The following EBF4 variants were observed in gnomAD, a reference collection of about 807,000 sequenced individuals.
EBF4 encodes EBF transcription factor 4.
Under a neutral mutation model 67.1 loss-of-function variants are expected in EBF4, and 34 were observed. That is an observed-to-expected ratio of 0.51 (90% CI 0.39 to 0.67). The LOEUF is 0.67. Among genes scored for constraint, EBF4 ranks in the 30% least tolerant of loss-of-function variants. The probability of loss-of-function intolerance (pLI) is 0.00; values close to 1 mark genes in which losing one functional copy is unlikely to be tolerated. For synonymous variants in EBF4, 387 were observed against 377.7 expected (o/e 1.02, Z -0.29); for missense variants, 837 against 873.3 (o/e 0.96, Z 0.52).
At chr20:2,727,857 T>C (rs1568576812) in intron 6 of EBF4, among the ~76,000 whole-genome samples, 1 of 152,224 alleles carries the variant, frequency 6.6e-6, no homozygotes, top group Non-Finnish European at 1.5e-5. Flanking sequence ...TACATGCTCT[T>C]TGGAGAAATG....
chr20:2,737,423 A>G (rs974962558), intron 6 of EBF4, among the ~76,000 whole-genome samples: 5 of 152,066 alleles, frequency 3.3e-5, no homozygotes, highest in Non-Finnish European at 5.9e-5. Context: ...CTGGGGACTC[A>G]AGCCAACCTG....
At chr20:2,693,477 C>G (rs1024223038), upstream of EBF4, 18 of 779,436 alleles carry the variant, frequency 2.3e-5, no homozygotes, top group Non-Finnish European at 3.0e-5. This position sits in a 1 kb window ranked among gnomAD's most constrained non-coding sequence, Gnocchi z 4.6. Flanking sequence ...CCCGCGGACC[C>G]GCTTTCTCCG....
intron 1 of EBF4, among the ~76,000 whole-genome samples, chr20:2,701,765 A>G (rs1017129534): frequency 1.3e-5 from 2 of 152,174 alleles, no homozygotes; most frequent in Admixed American, 1.3e-4. Flanking sequence ...GCTAGATGAC[A>G]GGATATAAAA....
intron 10 of EBF4, 71 bp downstream of exon 10, chr20:2,750,044 G>A (rs772798502): frequency 1.4e-6 from 2 of 1,476,514 alleles, no homozygotes; most frequent in Non-Finnish European, 1.8e-6. Context: ...ACTGGTCTCC[G>A]TTCTTGGTGA....
At chr20:2,721,246 C>CTTTTTTTTTTTTTTTTT (rs146844927) in intron 6 of EBF4, among the ~76,000 whole-genome samples, 3 of 108,120 alleles carry the variant, frequency 2.8e-5, no homozygotes, top group African/African-American at 3.4e-5. Flanking sequence ...TGATTCTCTT[C>CTTTTTTTTTTTTTTTTT]TTTTTTTTTT....
chr20:2,704,189 TC>T (rs1237294884), intron 1 of EBF4, among the ~76,000 whole-genome samples: 1 of 151,872 alleles, frequency 6.6e-6, no homozygotes, highest in African/African-American at 2.4e-5. Flanking sequence ...AGGGCATGAA[TC>T]CCAGGGGGTG....
upstream of EBF4, chr20:2,693,269 C>A (rs1213673155): frequency 6.2e-6 from 1 of 161,282 alleles, no homozygotes; most frequent in South Asian, 2.0e-4. The surrounding 1 kb of genome is among the most constrained non-coding windows in gnomAD (Gnocchi z 4.6). Flanking sequence ...CCGGGGCGCT[C>A]GGGCCCCCCC....
intron 1 of EBF4, among the ~76,000 whole-genome samples, chr20:2,699,703 G>A (rs1157199056): frequency 3.3e-5 from 5 of 152,240 alleles, no homozygotes; most frequent in African/African-American, 4.8e-5. Context: ...TGGAAAAGGC[G>A]TTTATGTGGC....
At chr20:2,705,784 A>G (rs1325958225) in intron 2 of EBF4, 51 bp downstream of exon 2, 4 of 898,072 alleles carry the variant, frequency 4.5e-6, no homozygotes, top group African/African-American at 4.1e-5. Flanking sequence ...GGAACCCCCA[A>G]CCACACACAC....
In EBF4 at chr20:2,696,489, T is replaced by TAAATA. The variant is rs537313122; in HGVS notation, c.137+2725_137+2729dup. Among the ~76,000 whole-genome samples, 18 of 151,664 alleles carry TAAATA rather than the reference T, an allele frequency of 1.2e-4. No individual in the cohort carries two copies. The highest frequency in any genetic ancestry group is 1.7e-4 in the African/African-American group (7 of 41,228). On this transcript the variant is annotated intron_variant, in intron 1 of 16. Transcript: ENST00000609451. The surrounding 1 kb of genome is among the most constrained non-coding windows in gnomAD (Gnocchi z 4.7). ...TGTGCCTCAAAAATAAATAAGTAAATAAATAAAATAAAATAAAATAAAGTG... is the reference window on the plus strand; with the variant it reads ...TGTGCCTCAAAAATAAATAAGTAAATAAATAAAATAAAATAAAATAAAATAAAGTG...
intron 6 of EBF4, among the ~76,000 whole-genome samples, chr20:2,711,564 A>C (rs568078995): frequency 6.6e-5 from 10 of 152,348 alleles, no homozygotes; most frequent in African/African-American, 2.4e-4. Context: ...ACAGCATTGA[A>C]ACCAGCAATT....
chr20:2,700,402 A>G lies in EBF4; in HGVS notation c.138-5175A>G, dbSNP rs184307630. 4.1e-4 allele frequency among the ~76,000 whole-genome samples: 62 copies of G among 151,952 alleles called. 2 individuals carry two copies. In the East Asian group the frequency reaches 9.3e-3, roughly 23 times the overall value. The stretch of plus-strand genomic sequence containing the variant: ...CTTCTCTCCCCCTTTCTTTCTTTTA[A>G]ATTAAGGATACATATCAAAAGACAT... On this transcript the variant is annotated intron_variant, in intron 1 of 16. Coordinates refer to ENST00000609451, the Ensembl canonical transcript of EBF4.
Position 2,739,043 on chromosome 20 carries a change from T to G in EBF4, c.558-9506T>G, listed in dbSNP as rs545915682. Among the ~76,000 whole-genome samples, 2 of 152,218 alleles carry G rather than the reference T, an allele frequency of 1.3e-5. No homozygotes were observed. The highest frequency in any genetic ancestry group is 2.1e-4 in the South Asian group (1 of 4,818). ...CAGGTGGCTGTGGCCCTGGGGACAG[T>G]CTATCTTGGCTTCTACCGCAGGCTA... On this transcript the variant is annotated intron_variant, in intron 6 of 16. Coordinates refer to ENST00000609451, the Ensembl canonical transcript of EBF4. This position sits in a 1 kb window ranked among gnomAD's most constrained non-coding sequence, Gnocchi z 4.5.
chr20:2,720,403 CT>C (rs2087664946), intron 6 of EBF4, among the ~76,000 whole-genome samples: 2 of 152,100 alleles, frequency 1.3e-5, no homozygotes, highest in African/African-American at 4.8e-5. Flanking sequence ...GCCCATTCTT[CT>C]TTTCTTTATC....
At chr20:2,759,426 C>A, downstream of EBF4, 2 of 216,590 alleles carry the variant, frequency 9.2e-6, no homozygotes, top group Non-Finnish European at 1.9e-5. Flanking sequence ...TCAAGCCTCC[C>A]CGCTAGCAGC....
At chr20:2,746,577 T>C (rs2088053875) in intron 6 of EBF4, among the ~76,000 whole-genome samples, 1 of 152,186 alleles carries the variant, frequency 6.6e-6, no homozygotes, top group Admixed American at 6.5e-5. Context: ...CTCCCAGCAC[T>C]TGGTGACCTC....
At chr20:2,742,418 T>C (rs2087981564) in intron 6 of EBF4, among the ~76,000 whole-genome samples, 1 of 152,164 alleles carries the variant, frequency 6.6e-6, no homozygotes, top group Non-Finnish European at 1.5e-5. Context: ...TGTTTGTTTG[T>C]TTTGTTTTTG....
chr20:2,702,119 A>G (rs946795782), intron 1 of EBF4, among the ~76,000 whole-genome samples: 1 of 152,178 alleles, frequency 6.6e-6, no homozygotes, highest in Non-Finnish European at 1.5e-5. Context: ...AGCATCTGTA[A>G]AAAGAATCTG....
At position 2,747,560 on chromosome 20, in the gene EBF4, T is replaced by C. The variant is rs2088070301; in HGVS notation, c.558-989T>C. 2.0e-5 allele frequency among the ~76,000 whole-genome samples: 3 copies of C among 152,144 alleles called. No individual in the cohort carries two copies. The highest frequency in any genetic ancestry group is 2.0e-4 in the Admixed American group (3 of 15,276). On this transcript the variant is annotated intron_variant, in intron 6 of 16. Transcript: ENST00000609451. This position sits in a 1 kb window ranked among gnomAD's most constrained non-coding sequence, Gnocchi z 4.6. ...GTCTCTGTACCACATGTCTGACAGA[T>C]ACACCATGTGTATATGGTGGGTATG...
Sources: gnomAD v4.1 joint callset for allele counts (sites outside exome capture counted in the v4.1 genomes callset) on GRCh38, gnomAD v4.1.1 for gene constraint, Gnocchi (gnomAD v3.1) non-coding constraint, MANE v1.5 for transcripts, NCBI Gene and HGNC (gene_info 2026-07-23, HGNC 2026-07-21) for gene names.